The following CDH7 variants were observed in gnomAD, a reference collection of about 807,000 sequenced individuals.
CDH7 encodes the protein cadherin 7.
In CDH7, 25 loss-of-function variants were observed where a neutral mutation model predicts 71.8. That is an observed-to-expected ratio of 0.35 (90% confidence interval 0.25 to 0.49). CDH7 has a LOEUF of 0.49. CDH7 is among the 20% of genes least tolerant of loss of function. The pLI, the probability that CDH7 is intolerant of heterozygous loss-of-function variation, is 0.99. For synonymous variants in CDH7, 381 were observed against 363.8 expected, an observed-to-expected ratio of 1.05 and a Z score of -0.54; for missense variants, 862 against 974.6, an observed-to-expected ratio of 0.88 and a Z score of 1.54.
intron 11 of CDH7, among the ~76,000 whole-genome samples, chr18:65,877,565 T>C (rs1222841266): frequency 1.3e-5 from 2 of 152,148 alleles, no homozygotes; most frequent in Non-Finnish European, 2.9e-5. Flanking sequence ...ATTCATTTCT[T>C]ACACCCTTTT....
chr18:65,781,917 TC>T, intron 2 of CDH7, among the ~76,000 whole-genome samples: 2 of 109,642 alleles, frequency 1.8e-5, no homozygotes, highest in Non-Finnish European at 1.8e-5. Context: ...TCTCTCTTTC[TC>T]TCTTTCTCTC....
chr18:65,848,603 A>G (rs188008311), intron 7 of CDH7, among the ~76,000 whole-genome samples: 219 of 152,264 alleles, frequency 1.4e-3, no homozygotes, highest in Non-Finnish European at 2.4e-3. Flanking sequence ...GTTATATCCT[A>G]AAAGCCTAGT....
At chr18:65,847,443 T>C (rs1912972159) in intron 7 of CDH7, among the ~76,000 whole-genome samples, 1 of 152,198 alleles carries the variant, frequency 6.6e-6, no homozygotes, top group African/African-American at 2.4e-5. Flanking sequence ...CATATGTCAT[T>C]TATGTTTGTA....
chr18:65,852,108 A>C (rs1913170716), intron 7 of CDH7, among the ~76,000 whole-genome samples: 1 of 152,136 alleles, frequency 6.6e-6, no homozygotes, highest in Admixed American at 6.5e-5. Flanking sequence ...TTCACCACTT[A>C]ATACATCAGT....
At chr18:65,782,786 C>T (rs1046759036) in intron 2 of CDH7, among the ~76,000 whole-genome samples, 4 of 152,280 alleles carry the variant, frequency 2.6e-5, no homozygotes, top group Middle Eastern at 3.4e-3. Flanking sequence ...ACAGACAACA[C>T]ACTATAACTA....
intron 7 of CDH7, among the ~76,000 whole-genome samples, chr18:65,845,299 G>A (rs752960255): frequency 1.3e-5 from 2 of 150,572 alleles, no homozygotes; most frequent in Admixed American, 6.6e-5. Context: ...TATGTATTAT[G>A]TGCTTATCTA....
intron 2 of CDH7, among the ~76,000 whole-genome samples, chr18:65,789,777 A>T (rs1009736910): frequency 6.6e-6 from 1 of 152,114 alleles, no homozygotes; most frequent in Admixed American, 6.5e-5. Context: ...GCAGAGGGAA[A>T]GGAGGTGGGG....
chr18:65,797,449 G>T (rs1180585921), intron 2 of CDH7, among the ~76,000 whole-genome samples: 1 of 152,110 alleles, frequency 6.6e-6, no homozygotes, highest in Non-Finnish European at 1.5e-5. Flanking sequence ...AGTTTCTCTG[G>T]TTGCAGAGAT....
chr18:65,807,856 T>A (rs539238214), intron 2 of CDH7, among the ~76,000 whole-genome samples: 67 of 151,956 alleles, frequency 4.4e-4, no homozygotes, highest in African/African-American at 1.1e-3. Context: ...TTTGGGGGGG[T>A]GATCAGGTGG....
chr18:65,794,384 T>A (rs1318723140), intron 2 of CDH7, among the ~76,000 whole-genome samples: 1 of 152,098 alleles, frequency 6.6e-6, no homozygotes, highest in Admixed American at 6.5e-5. Context: ...GTTGAGTAGG[T>A]GACCTTTTAA....
At chr18:65,791,144 A>G (rs766852138) in intron 2 of CDH7, among the ~76,000 whole-genome samples, 4 of 152,238 alleles carry the variant, frequency 2.6e-5, no homozygotes, top group Non-Finnish European at 2.9e-5. Flanking sequence ...AATATTAGAA[A>G]TGACACCTTT....
chr18:65,866,619 G>C (rs1030074007), intron 11 of CDH7, among the ~76,000 whole-genome samples: 1 of 152,138 alleles, frequency 6.6e-6, no homozygotes, highest in African/African-American at 2.4e-5. Context: ...ATATGACGGG[G>C]TAAGATTCTA....
chr18:65,772,203 C>G (rs1384821555), intron 2 of CDH7, among the ~76,000 whole-genome samples: 1 of 152,128 alleles, frequency 6.6e-6, no homozygotes, highest in African/African-American at 2.4e-5. Context: ...ATTAGTCAAA[C>G]CATGCTTAAA....
chr18:65,837,164 C>T (rs1270749058), intron 6 of CDH7, among the ~76,000 whole-genome samples: 1 of 152,046 alleles, frequency 6.6e-6, no homozygotes, highest in Admixed American at 6.6e-5. Flanking sequence ...AAAATAGAGC[C>T]CTCATCTACC....
At chr18:65,840,859 T>A (rs1912707285) in intron 6 of CDH7, among the ~76,000 whole-genome samples, 1 of 152,156 alleles carries the variant, frequency 6.6e-6, no homozygotes, top group Non-Finnish European at 1.5e-5. Flanking sequence ...ATTACTTTTA[T>A]TTTTTTCTAT....
intron 7 of CDH7, among the ~76,000 whole-genome samples, chr18:65,855,269 A>G (rs540051870): frequency 6.6e-6 from 1 of 151,982 alleles, no homozygotes; most frequent in Non-Finnish European, 1.5e-5. Flanking sequence ...TTCAAAACAA[A>G]TTTTACAGAA....
At chr18:65,803,236 G>A (rs1911190112) in intron 2 of CDH7, 1 of 151,958 alleles carries the variant, frequency 6.6e-6, no homozygotes, top group South Asian at 2.1e-4. Context: ...TTCCAATTGG[G>A]CCACTCTGCC....
Position 65,763,058 on chromosome 18 carries a change from G to T in CDH7, c.210+6G>T. On this transcript the variant is annotated splice_donor_region_variant and intron_variant, in intron 2 of 11. Transcript: ENST00000397968. ...ACCCCCTCTATGTAGGAAAGGTAGG[G>T]TATTGTGACCTTTCAAAGTTGTAAA... 3 of 1,582,338 alleles carry T rather than the reference G, an allele frequency of 1.9e-6. No individual in the cohort carries two copies. The highest frequency in any genetic ancestry group is 1.1e-5 in the South Asian group (1 of 87,620).
At chr18:65,866,982 T>C (rs1337287221) in intron 11 of CDH7, among the ~76,000 whole-genome samples, 1 of 152,174 alleles carries the variant, frequency 6.6e-6, no homozygotes, top group Non-Finnish European at 1.5e-5. Flanking sequence ...CCTCAATTAT[T>C]TTTCATGCAG....
Sources: allele counts gnomAD v4.1 joint callset (sites outside exome capture counted in the v4.1 genomes callset), GRCh38; gene constraint gnomAD v4.1.1; transcripts MANE v1.5; gene names NCBI Gene and HGNC (gene_info 2026-07-23, HGNC 2026-07-21).